The following NRXN1 variants were observed in gnomAD, a reference collection of about 807,000 sequenced individuals.
The protein encoded by NRXN1 is neurexin 1.
Under a neutral mutation model 150.9 loss-of-function variants are expected in NRXN1, and 39 were observed. That is an observed-to-expected ratio of 0.26 (90% confidence interval 0.20 to 0.34). The LOEUF is 0.34. Among genes scored for constraint, NRXN1 ranks in the 10% least tolerant of loss-of-function variants. The pLI is 1.00. For missense variants in NRXN1, 1,815 were observed against 1,949.9 expected (o/e 0.93, Z 1.30); for synonymous variants, 924 against 757.0 (o/e 1.22, Z -3.62).
chr2:50,760,830 G>T (rs1423238229), intron 5 of NRXN1, among the ~76,000 whole-genome samples: 1 of 151,998 alleles, frequency 6.6e-6, no homozygotes, highest in Non-Finnish European at 1.5e-5. Context: ...GTAATGTGAT[G>T]AGTCCTTCCA....
At chr2:50,607,182 C>T (rs1443814702) in intron 8 of NRXN1, among the ~76,000 whole-genome samples, 1 of 152,106 alleles carries the variant, frequency 6.6e-6, no homozygotes, top group African/African-American at 2.4e-5. Flanking sequence ...CCTCCTTGTT[C>T]TCTGCAAAGC....
intron 17 of NRXN1, among the ~76,000 whole-genome samples, chr2:50,423,863 G>A (rs79518882): frequency 1.1e-3 from 173 of 152,232 alleles, no homozygotes; most frequent in African/African-American, 3.8e-3. Context: ...ATGAGAGGGA[G>A]CCAGCCAGAC....
intron 17 of NRXN1, among the ~76,000 whole-genome samples, chr2:50,304,796 A>G (rs1039702679): frequency 1.3e-5 from 2 of 152,142 alleles, no homozygotes; most frequent in Non-Finnish European, 2.9e-5. Flanking sequence ...CCATTAATAT[A>G]AAGGTACTCA....
rs11904651 is a variant in NRXN1 at position 50,025,986 on chromosome 2, C to T, written c.4128+27285G>A. Reference sequence around the variant, plus strand: ...TATAATAACTTCTTAGAAACTGCTACTGGCTCTTTCTCACTGGCTTAGTAG... The same window carrying T: ...TATAATAACTTCTTAGAAACTGCTATTGGCTCTTTCTCACTGGCTTAGTAG... On this transcript the variant is annotated intron_variant, in intron 21 of 22. Transcript: ENST00000401669. Among the ~76,000 whole-genome samples the T allele has an allele frequency of 5.1e-3, 778 of 152,338 alleles. 7 individuals are homozygous for T. Among genetic ancestry groups the T allele is most frequent in the African/African-American group, 0.017 (722 of 41,580 alleles).
chr2:50,622,451 T>A (rs1390120557), intron 6 of NRXN1, among the ~76,000 whole-genome samples: 7 of 152,122 alleles, frequency 4.6e-5, no homozygotes, highest in Admixed American at 4.6e-4. Flanking sequence ...TGTACGGCAA[T>A]AAAATTAGTC....
At chr2:50,601,692 T>C (rs1676302451) in intron 8 of NRXN1, among the ~76,000 whole-genome samples, 1 of 152,208 alleles carries the variant, frequency 6.6e-6, no homozygotes, top group Non-Finnish European at 1.5e-5. Context: ...GTGGACTTTC[T>C]TAAGCTTGTA....
intron 17 of NRXN1, among the ~76,000 whole-genome samples, chr2:50,315,044 C>T (rs1280655166): frequency 1.3e-5 from 2 of 151,950 alleles, no homozygotes; most frequent in Non-Finnish European, 2.9e-5. Flanking sequence ...TTCTACCACT[C>T]ACAGATAACC....
intron 5 of NRXN1, among the ~76,000 whole-genome samples, chr2:50,912,459 A>T (rs1684656594): frequency 6.6e-6 from 1 of 151,982 alleles, no homozygotes; most frequent in Non-Finnish European, 1.5e-5. Flanking sequence ...TGTTGCAATA[A>T]ATCAAGATGA....
chr2:50,271,196 T>C (rs1463364332), intron 17 of NRXN1, among the ~76,000 whole-genome samples: 1 of 152,180 alleles, frequency 6.6e-6, no homozygotes, highest in African/African-American at 2.4e-5. Context: ...GGCTACCTGA[T>C]TGAAATGACC....
At chr2:50,919,504 T>C (rs1036684051) in intron 5 of NRXN1, 7 of 151,736 alleles carry the variant, frequency 4.6e-5, no homozygotes, top group African/African-American at 1.7e-4. Flanking sequence ...AGTCTTTTTT[T>C]CATAAAGAAA....
At chr2:50,462,658 C>T (rs2088355145) in intron 17 of NRXN1, among the ~76,000 whole-genome samples, 1 of 151,602 alleles carries the variant, frequency 6.6e-6, no homozygotes, top group Admixed American at 6.6e-5. Flanking sequence ...GGCAATTTTC[C>T]GGGGAAGAAA....
chr2:50,335,817 TAGA>T lies in NRXN1; in HGVS notation c.3365-98850_3365-98848del, dbSNP rs570901261. On this transcript the variant is annotated intron_variant, in intron 17 of 22. Coordinates refer to ENST00000401669, the MANE Select transcript of NRXN1 (RefSeq NM_001330078.2). ...ACTTAAAGAATCTACCAAATCAGTC[TAGA>T]ATGATAAGAATGAAATGTGTTTTAA... is the stretch of plus-strand genomic sequence containing the variant. 3.2e-3 allele frequency among the ~76,000 whole-genome samples: 482 copies of T among 152,078 alleles called. 3 individuals are homozygous for T. The highest frequency in any genetic ancestry group is 0.011 in the African/African-American group (461 of 41,490).
intron 2 of NRXN1, chr2:50,963,912 T>C (rs1339109935): frequency 2.6e-6 from 1 of 378,108 alleles, no homozygotes; most frequent in Non-Finnish European, 5.3e-6. Flanking sequence ...TAATGAATTA[T>C]GGTATCCTTG....
At chr2:50,890,173 A>C (rs1680839882) in intron 5 of NRXN1, among the ~76,000 whole-genome samples, 1 of 151,802 alleles carries the variant, frequency 6.6e-6, no homozygotes, top group African/African-American at 2.4e-5. Context: ...ACCTACTTCC[A>C]AAATTCCTTT....
Position 50,590,608 on chromosome 2 carries a change from T to C in NRXN1, c.1320+29414A>G, listed in dbSNP as rs189550877. Reference sequence around the variant, plus strand: ...CTAACTCCCAGTGTGATGGGGCCTTTAGGAAGTGATGAGCTCATGAGGGTG... The same window carrying C: ...CTAACTCCCAGTGTGATGGGGCCTTCAGGAAGTGATGAGCTCATGAGGGTG... On this transcript the variant is annotated intron_variant, in intron 8 of 22. Transcript: ENST00000401669. Among the ~76,000 whole-genome samples the C allele has an allele frequency of 1.5e-3, 228 of 152,280 alleles. 1 individual carries two copies. Among genetic ancestry groups the C allele is most frequent in the Admixed American group, 3.7e-3 (56 of 15,302 alleles).
At chr2:50,119,903 TA>T (rs1448886719) in intron 18 of NRXN1, among the ~76,000 whole-genome samples, 1 of 152,156 alleles carries the variant, frequency 6.6e-6, no homozygotes, top group Non-Finnish European at 1.5e-5. Flanking sequence ...ATAAGTATTG[TA>T]AAAAGTCTCT....
intron 2 of NRXN1, among the ~76,000 whole-genome samples, chr2:50,951,406 T>C (rs1013351598): frequency 2.0e-5 from 3 of 152,216 alleles, no homozygotes; most frequent in Admixed American, 2.0e-4. Context: ...TCCCGCCAGA[T>C]ACCCAACTGG....
intron 10 of NRXN1, among the ~76,000 whole-genome samples, chr2:50,533,322 AATTTCAATTGGAAT>A (rs1050930462): frequency 2.0e-5 from 3 of 152,156 alleles, no homozygotes; most frequent in South Asian, 2.1e-4. Flanking sequence ...TGGAATATGA[AATTTCAATTGGAAT>A]ATTTCAATTG....
intron 5 of NRXN1, among the ~76,000 whole-genome samples, chr2:50,846,476 G>A (rs1192762549): frequency 6.6e-6 from 1 of 151,708 alleles, no homozygotes; most frequent in Non-Finnish European, 1.5e-5. Flanking sequence ...TTTAGCTCAT[G>A]CTACTGTGTT....
Sources: gnomAD v4.1 joint callset for allele counts (sites outside exome capture counted in the v4.1 genomes callset) on GRCh38, gnomAD v4.1.1 for gene constraint, MANE v1.5 for transcripts, NCBI Gene and HGNC (gene_info 2026-07-23, HGNC 2026-07-21) for gene names.